FYB1: variants seen among roughly 807,000 people sequenced by gnomAD.
FYB1 encodes the protein FYN-binding protein 1.
Under a neutral mutation model 94.1 loss-of-function variants are expected in FYB1, and 41 were observed. The observed-to-expected ratio is 0.44, with a 90% CI of 0.34 to 0.57. FYB1 has a LOEUF of 0.57. FYB1 is among the 20% of genes least tolerant of loss of function. The pLI is 0.02. For missense variants in FYB1, 1,050 were observed against 976.8 expected, an observed-to-expected ratio of 1.07 and a Z score of -1.00; for synonymous variants, 367 against 353.2, an observed-to-expected ratio of 1.04 and a Z score of -0.44.
At chr5:39,199,337 A>G (rs1011017793) in intron 2 of FYB1, among the ~76,000 whole-genome samples, 1 of 152,184 alleles carries the variant, frequency 6.6e-6, no homozygotes, top group Non-Finnish European at 1.5e-5. Context: ...GTTTAAGAAA[A>G]ATAGCAGTGG....
At chr5:39,125,916 T>C (rs1740618550) in intron 12 of FYB1, 82 bp downstream of exon 12, 2 of 1,376,480 alleles carry the variant, frequency 1.5e-6, no homozygotes, top group Middle Eastern at 2.0e-4. Context: ...ATTTGGTTAT[T>C]GGTTATAGAA....
At chr5:39,190,614 C>T (rs1283879934) in intron 2 of FYB1, among the ~76,000 whole-genome samples, 1 of 152,188 alleles carries the variant, frequency 6.6e-6, no homozygotes, top group African/African-American at 2.4e-5. Context: ...AGAAATGAAA[C>T]TTGCTGCTTG....
chr5:39,171,474 G>T (rs1347915479), intron 2 of FYB1, among the ~76,000 whole-genome samples: 2 of 152,146 alleles, frequency 1.3e-5, no homozygotes, highest in African/African-American at 4.8e-5. Context: ...CTGGGGCCCA[G>T]CAATCTGTGT....
intron 1 of FYB1, among the ~76,000 whole-genome samples, chr5:39,242,892 G>A (rs1751277549): frequency 6.6e-6 from 1 of 152,150 alleles, no homozygotes; most frequent in Non-Finnish European, 1.5e-5. Flanking sequence ...GATGGCCAGT[G>A]ATGCTGAGCA....
intron 1 of FYB1, among the ~76,000 whole-genome samples, chr5:39,206,744 G>C (rs1179049730): frequency 1.3e-5 from 2 of 152,152 alleles, no homozygotes; most frequent in African/African-American, 4.8e-5. Flanking sequence ...GTTCTCTCTA[G>C]AGGCAATCAC....
At chr5:39,181,485 A>T (rs771161896) in intron 2 of FYB1, among the ~76,000 whole-genome samples, 1 of 152,232 alleles carries the variant, frequency 6.6e-6, no homozygotes, top group East Asian at 1.9e-4. Flanking sequence ...AATTATAAAA[A>T]CTCAGAGAAG....
At chr5:39,264,251 T>C (rs892674322) in intron 1 of FYB1, among the ~76,000 whole-genome samples, 1 of 152,194 alleles carries the variant, frequency 6.6e-6, no homozygotes, top group East Asian at 1.9e-4. Flanking sequence ...ATAATCCTTA[T>C]AGGAGAAGCC....
chr5:39,179,550 T>TC (rs1228796742), intron 2 of FYB1, among the ~76,000 whole-genome samples: 9 of 148,692 alleles, frequency 6.1e-5, no homozygotes, highest in Admixed American at 4.7e-4. Flanking sequence ...TCTTTTTTCT[T>TC]TTTTTTTTTT....
intron 1 of FYB1, among the ~76,000 whole-genome samples, chr5:39,229,207 A>G (rs771728402): frequency 2.6e-5 from 4 of 152,260 alleles, no homozygotes; most frequent in South Asian, 4.2e-4. Context: ...CTCCCTTACT[A>G]AAGGATCCAT....
intron 1 of FYB1, among the ~76,000 whole-genome samples, chr5:39,252,510 T>C (rs906633896): frequency 3.3e-5 from 5 of 152,192 alleles, no homozygotes; most frequent in Non-Finnish European, 7.4e-5. Context: ...AGAAATCAAT[T>C]GGTATAAATT....
chr5:39,172,954 G>A (rs536057316), intron 2 of FYB1, among the ~76,000 whole-genome samples: 3 of 152,148 alleles, frequency 2.0e-5, no homozygotes, highest in African/African-American at 4.8e-5. Flanking sequence ...TTTTCCTTTC[G>A]GTATATACCC....
chr5:39,209,328 TG>T (rs1315939714), intron 1 of FYB1, among the ~76,000 whole-genome samples: 8 of 68,716 alleles, frequency 1.2e-4, no homozygotes, highest in East Asian at 5.1e-4. Context: ...TGTTTAAATA[TG>T]TTTTTTTTTT....
chr5:39,114,462 C>T (rs1408095574), intron 16 of FYB1, among the ~76,000 whole-genome samples: 1 of 152,166 alleles, frequency 6.6e-6, no homozygotes, highest in Non-Finnish European at 1.5e-5. Flanking sequence ...CCTTTAGTTG[C>T]TATCATTACG....
intron 3 of FYB1, among the ~76,000 whole-genome samples, chr5:39,150,862 C>T (rs2562612): frequency 6.6e-6 from 1 of 152,144 alleles, no homozygotes; most frequent in African/African-American, 2.4e-5. Context: ...CCTACTGTCT[C>T]TTCTCAGCAT....
At chr5:39,177,512 C>G (rs1006626588) in intron 2 of FYB1, among the ~76,000 whole-genome samples, 7 of 152,150 alleles carry the variant, frequency 4.6e-5, no homozygotes, top group African/African-American at 1.7e-4. Flanking sequence ...TGACATTAAA[C>G]CTAACCACAT....
intron 3 of FYB1, among the ~76,000 whole-genome samples, chr5:39,142,779 G>A (rs1742302536): frequency 6.6e-6 from 1 of 152,070 alleles, no homozygotes; most frequent in African/African-American, 2.4e-5. Flanking sequence ...TCTTCCCTGA[G>A]AGTATTCTTA....
intron 1 of FYB1, among the ~76,000 whole-genome samples, chr5:39,246,871 A>G (rs1271066399): frequency 1.3e-5 from 2 of 151,978 alleles, no homozygotes; most frequent in Non-Finnish European, 1.5e-5. Flanking sequence ...AGAGGGTTAG[A>G]GCCTGGGCTT....
In FYB1 at chr5:39,137,649, TC is replaced by T. The variant is rs1323083138; in HGVS notation, c.1465del (p.Glu489AsnfsTer12). 6.5e-7 allele frequency: 1 copy of T among 1,533,764 alleles called. No individual in the cohort carries two copies. The highest frequency in any genetic ancestry group is 8.8e-7 in the Non-Finnish European group (1 of 1,131,322). ...EKKRLELEKK[E>X]QKEKEKKEQE... ...TTCTTTCTTTTCTTTCTCTTTCTGTTCCTTTTTCTCCAGCTCTAACCTCTTC... is the reference window on the plus strand; with the variant it reads ...TTCTTTCTTTTCTTTCTCTTTCTGTTCTTTTTCTCCAGCTCTAACCTCTTC... On this transcript the variant is annotated frameshift_variant, in exon 7 of 19. Transcript: ENST00000512982. LOFTEE classifies it high-confidence loss of function.
At chr5:39,218,938 G>A (rs1303519939) in intron 1 of FYB1, among the ~76,000 whole-genome samples, 1 of 152,176 alleles carries the variant, frequency 6.6e-6, no homozygotes, top group Non-Finnish European at 1.5e-5. Context: ...ATAATTCATG[G>A]CAGTATAGTC....
Sources: allele counts gnomAD v4.1 joint callset (sites outside exome capture counted in the v4.1 genomes callset), GRCh38; gene constraint gnomAD v4.1.1; transcripts MANE v1.5; gene names NCBI Gene and HGNC (gene_info 2026-07-23, HGNC 2026-07-21).